The following ZNF407 variants were observed in gnomAD, a reference collection of about 807,000 sequenced individuals.
ZNF407 encodes zinc finger protein 407.
In ZNF407, 17 loss-of-function variants were observed where a neutral mutation model predicts 131.2. That is an observed-to-expected ratio of 0.13 (90% CI 0.09 to 0.19). The LOEUF is 0.19. Among genes scored for constraint, ZNF407 ranks in the 10% least tolerant of loss-of-function variants. The pLI, the probability that ZNF407 is intolerant of heterozygous loss-of-function variation, is 1.00. For missense variants in ZNF407, 2,681 were observed against 2,830.6 expected (o/e 0.95, Z 1.20); for synonymous variants, 1,156 against 1,062.0 (o/e 1.09, Z -1.72).
Position 75,013,676 on chromosome 18 carries a change from G to A in ZNF407, c.5429-49474G>A, listed in dbSNP as rs1973009967. Among the ~76,000 whole-genome samples the A allele has an allele frequency of 3.9e-5, 6 of 152,076 alleles. No individual in the cohort carries two copies. The South Asian group carries it at 1.2e-3, about 31-fold the overall frequency. ...TCCATCAGAGTACAAAGGCAGCAAA[G>A]TTACGTATACCACCAGCCTGCTTGT... On this transcript the variant is annotated intron_variant, in intron 8 of 8. Coordinates refer to ENST00000299687, the MANE Select transcript of ZNF407 (RefSeq NM_017757.3).
intron 3 of ZNF407, among the ~76,000 whole-genome samples, chr18:74,763,705 A>ATTTTTTTTTTTTTTTTTTTTTTT (rs11340257): frequency 1.4e-5 from 1 of 70,228 alleles, no homozygotes; most frequent in African/African-American, 5.2e-5. Flanking sequence ...CTTATCTTTG[A>ATTTTTTTTTTTTTTTTTTTTTTT]TTTTTTTTTT....
rs996984449 is a variant in ZNF407 at position 74,637,696 on chromosome 18, T to C, written c.4687+1990T>C. ...CTTGGAGCATCTTAAAATGAATTGC[T>C]TTTCACATACTTTGCTTATGTCCAT... On this transcript the variant is annotated intron_variant, in intron 2 of 8. Coordinates refer to ENST00000299687, the MANE Select transcript of ZNF407 (RefSeq NM_017757.3). 5.3e-5 allele frequency among the ~76,000 whole-genome samples: 8 copies of C among 152,294 alleles called. 1 individual carries two copies. In the South Asian group the frequency reaches 6.2e-4, roughly 12 times the overall value.
rs949058904 is a variant in ZNF407, at chr18:74,856,726, T to C, written c.4878-20471T>C. On this transcript the variant is annotated intron_variant, in intron 4 of 8. Transcript: ENST00000299687. Reference sequence around the variant, plus strand: ...AAAACAGCAAACAGGAATAATGTTTTAAATGCAATCATTGTCAAGTTTGAA... The same window carrying C: ...AAAACAGCAAACAGGAATAATGTTTCAAATGCAATCATTGTCAAGTTTGAA... 3.2e-4 allele frequency among the ~76,000 whole-genome samples: 49 copies of C among 152,350 alleles called. 1 individual carries two copies. Among genetic ancestry groups the C allele is most frequent in the African/African-American group, 1.2e-3 (48 of 41,586 alleles).
At position 74,620,619 on chromosome 18, in the gene ZNF407, G is replaced by A. The variant is rs1027068029; in HGVS notation, c.-53-10348G>A. Among the ~76,000 whole-genome samples the A allele has an allele frequency of 2.0e-5, 3 of 152,220 alleles. 1 individual carries two copies. The highest frequency in any genetic ancestry group is 2.0e-4 in the Admixed American group (3 of 15,282). ...TCTGACCACTTGGGCATGGGAGCAC[G>A]TAGTTCTAGCCTGTTTGCCTTCCAG... On this transcript the variant is annotated intron_variant, in intron 1 of 8. Transcript: ENST00000299687.
chr18:74,841,911 A>G (rs1336320885), intron 4 of ZNF407, among the ~76,000 whole-genome samples: 2 of 152,206 alleles, frequency 1.3e-5, no homozygotes, highest in African/African-American at 4.8e-5. Flanking sequence ...GTACCTTATT[A>G]CTAACGTTGC....
intron 7 of ZNF407, among the ~76,000 whole-genome samples, chr18:74,916,943 G>A (rs1971779904): frequency 6.6e-6 from 1 of 152,164 alleles, no homozygotes; most frequent in African/African-American, 2.4e-5. Flanking sequence ...TGCTTACTGA[G>A]GTAAAGGCCC....
intron 1 of ZNF407, among the ~76,000 whole-genome samples, chr18:74,611,379 A>G (rs901934229): frequency 2.6e-5 from 4 of 152,276 alleles, no homozygotes; most frequent in African/African-American, 9.6e-5. Context: ...TATTCAGCAC[A>G]TATTACTAAT....
intron 3 of ZNF407, among the ~76,000 whole-genome samples, chr18:74,644,839 T>C (rs187877287): frequency 3.2e-4 from 48 of 152,134 alleles, no homozygotes; most frequent in African/African-American, 1.1e-3. Flanking sequence ...TTTTGTAATA[T>C]CTGTTTTTGT....
At chr18:74,689,986 G>A (rs1013660649) in intron 3 of ZNF407, among the ~76,000 whole-genome samples, 44 of 152,074 alleles carry the variant, frequency 2.9e-4, no homozygotes, top group African/African-American at 1.0e-3. Context: ...TGTGGAAACA[G>A]ACACCAAAAG....
chr18:74,630,420 C>T (rs1568320354), intron 1 of ZNF407, among the ~76,000 whole-genome samples: 1 of 152,254 alleles, frequency 6.6e-6, no homozygotes, highest in East Asian at 1.9e-4. Flanking sequence ...ATCCGCCTGC[C>T]TCGGCCTCCC....
chr18:74,760,870 AT>A (rs1324812810), intron 3 of ZNF407, among the ~76,000 whole-genome samples: 1 of 152,086 alleles, frequency 6.6e-6, no homozygotes, highest in Non-Finnish European at 1.5e-5. Flanking sequence ...CCCAAAGCTT[AT>A]TGTTGAGTTG....
At chr18:74,998,391 T>C (rs1277399327) in intron 8 of ZNF407, among the ~76,000 whole-genome samples, 1 of 152,206 alleles carries the variant, frequency 6.6e-6, no homozygotes, top group African/African-American at 2.4e-5. Flanking sequence ...TCCCCTGTCC[T>C]ATCACTACAG....
intron 8 of ZNF407, among the ~76,000 whole-genome samples, chr18:74,924,659 C>A (rs190350850): frequency 6.6e-6 from 1 of 152,130 alleles, no homozygotes; most frequent in East Asian, 1.9e-4. Flanking sequence ...GCAGTCTGAC[C>A]CCATGTGTAG....
intron 4 of ZNF407, among the ~76,000 whole-genome samples, chr18:74,797,593 T>G (rs901654063): frequency 5.9e-5 from 9 of 152,262 alleles, no homozygotes; most frequent in Non-Finnish European, 1.2e-4. Context: ...CTGGGTCATA[T>G]CAACACGTTC....
rs1973484807 is a variant in ZNF407 at position 75,050,303 on chromosome 18, T to A, written c.5429-12847T>A. Among the ~76,000 whole-genome samples, 4 of 152,192 alleles carry A rather than the reference T, an allele frequency of 2.6e-5. No individual in the cohort carries two copies. In the South Asian group the frequency reaches 8.3e-4, roughly 32 times the overall value. ...CATTTACTCTTTAAGAAAATAAGTA[T>A]TATGTTACATATTTTATTGATTAAG... On this transcript the variant is annotated intron_variant, in intron 8 of 8. Transcript: ENST00000299687.
intron 8 of ZNF407, among the ~76,000 whole-genome samples, chr18:75,019,245 CATAAA>C (rs1973079179): frequency 6.6e-6 from 1 of 152,032 alleles, no homozygotes; most frequent in Admixed American, 6.6e-5. Flanking sequence ...ATACAGAATA[CATAAA>C]ATAAAATTCA....
intron 4 of ZNF407, among the ~76,000 whole-genome samples, chr18:74,782,359 A>G (rs554581406): frequency 6.6e-6 from 1 of 152,174 alleles, no homozygotes; most frequent in African/African-American, 2.4e-5. Context: ...AATGTTTAAT[A>G]GTCTTTTTAA....
intron 8 of ZNF407, among the ~76,000 whole-genome samples, chr18:75,037,844 G>T (rs528557498): frequency 6.6e-6 from 1 of 152,224 alleles, no homozygotes; most frequent in African/African-American, 2.4e-5. Context: ...CAGAGAATGT[G>T]TCCCTTCTCA....
At chr18:74,942,141 T>C (rs566333029) in intron 8 of ZNF407, among the ~76,000 whole-genome samples, 1 of 152,164 alleles carries the variant, frequency 6.6e-6, no homozygotes, top group Non-Finnish European at 1.5e-5. Context: ...GTATTATTAA[T>C]ATAAACTAGA....
Sources: allele counts gnomAD v4.1 joint callset (sites outside exome capture counted in the v4.1 genomes callset), GRCh38; gene constraint gnomAD v4.1.1; transcripts MANE v1.5; gene names NCBI Gene and HGNC (gene_info 2026-07-23, HGNC 2026-07-21).